The following ADAMTS16 variants were observed in gnomAD, a reference collection of about 807,000 sequenced individuals.
ADAMTS16 encodes ADAM metallopeptidase with thrombospondin type 1 motif 16.
A neutral mutation model predicts 145.8 loss-of-function variants in ADAMTS16; 94 were observed. The ratio of observed to expected loss-of-function variants is 0.64; its 90% CI spans 0.55 to 0.77. The LOEUF is 0.77. Ranked by LOEUF, ADAMTS16 falls within the 30% of genes least tolerant of loss-of-function variation. The probability of loss-of-function intolerance (pLI) is 0.00; values close to 1 mark genes in which losing one functional copy is unlikely to be tolerated. For synonymous variants in ADAMTS16, 659 were observed against 604.3 expected (o/e 1.09, Z -1.33); for missense variants, 1,585 against 1,591.5 (o/e 1.00, Z 0.07).
intron 10 of ADAMTS16, among the ~76,000 whole-genome samples, chr5:5,209,772 A>G (rs766509492): frequency 1.3e-5 from 2 of 152,188 alleles, no homozygotes; most frequent in African/African-American, 2.4e-5. Context: ...TTGCTCATGT[A>G]ACACAGAGAC....
At chr5:5,225,095 A>C (rs1217784397) in intron 11 of ADAMTS16, among the ~76,000 whole-genome samples, 4 of 152,178 alleles carry the variant, frequency 2.6e-5, no homozygotes, top group Admixed American at 2.6e-4. Context: ...CCATGGTCCA[A>C]AGCAATAAAG....
At chr5:5,236,322 G>A (rs1360995206) in intron 13 of ADAMTS16, among the ~76,000 whole-genome samples, 1 of 149,810 alleles carries the variant, frequency 6.7e-6, no homozygotes, top group East Asian at 1.9e-4. Context: ...ACCAAGAAGA[G>A]AACAAAAGGG....
At chr5:5,191,662 C>T (rs761880567) in intron 7 of ADAMTS16, 23 bp from the exon 8 acceptor site, 2 of 1,577,824 alleles carry the variant, frequency 1.3e-6, no homozygotes, top group South Asian at 1.1e-5. Flanking sequence ...GCTATGTGTT[C>T]TTTTGATCTT....
At chr5:5,216,440 G>A (rs990652604) in intron 10 of ADAMTS16, among the ~76,000 whole-genome samples, 1 of 151,716 alleles carries the variant, frequency 6.6e-6, no homozygotes, top group Admixed American at 6.6e-5. Context: ...TTTGTCAGAC[G>A]TATAGATTGT....
chr5:5,219,926 T>C (rs1007119915), intron 10 of ADAMTS16, among the ~76,000 whole-genome samples: 3 of 152,196 alleles, frequency 2.0e-5, no homozygotes, highest in African/African-American at 7.2e-5. Context: ...CTGAAGTTAC[T>C]CTGAATGGTA....
At position 5,237,059 on chromosome 5, in the gene ADAMTS16, C is replaced by T. The variant is rs1295177526; in HGVS notation, c.2114C>T (p.Ser705Leu). The stretch of plus-strand genomic sequence containing the variant: ...AAAGTCAAAGATGGGACTCCATGCT[C>T]GGAGGATAGCCGTAATGTTTGTATA... ...SNKVKDGTPC[S>L]EDSRNVCIDG... The change falls in exon 14 of 23, where the codon TCG becomes TTG. Residue 705 changes from serine to leucine, a missense_variant. Coordinates refer to ENST00000274181, the MANE Select transcript of ADAMTS16 (RefSeq NM_139056.4). The T allele has an allele frequency of 1.2e-5, 20 of 1,613,882 alleles. No homozygotes were observed. Among genetic ancestry groups the T allele is most frequent in the East Asian group, 4.5e-5 (2 of 44,878 alleles).
chr5:5,291,321 G>T (rs1739307290), intron 18 of ADAMTS16, among the ~76,000 whole-genome samples: 1 of 152,118 alleles, frequency 6.6e-6, no homozygotes, highest in Non-Finnish European at 1.5e-5. Flanking sequence ...CAGGCTGAGG[G>T]ACTGAATGTC....
intron 17 of ADAMTS16, among the ~76,000 whole-genome samples, chr5:5,250,244 G>T (rs1737580104): frequency 6.6e-6 from 1 of 152,134 alleles, no homozygotes; most frequent in South Asian, 2.1e-4. Flanking sequence ...CCTGCCTCCT[G>T]TTCATATCAA....
At chr5:5,252,756 G>T (rs1737666638) in intron 17 of ADAMTS16, among the ~76,000 whole-genome samples, 1 of 152,104 alleles carries the variant, frequency 6.6e-6, no homozygotes, top group Admixed American at 6.5e-5. Context: ...ATCAGCCTAG[G>T]TCTCTGCGTG....
chr5:5,175,736 G>A (rs755343773), intron 3 of ADAMTS16, among the ~76,000 whole-genome samples: 24 of 152,266 alleles, frequency 1.6e-4, no homozygotes, highest in South Asian at 6.2e-4. Context: ...TAAATGTTCC[G>A]TCTGTGGGTG....
intron 3 of ADAMTS16, among the ~76,000 whole-genome samples, chr5:5,179,911 G>C (rs1735294281): frequency 6.6e-6 from 1 of 152,084 alleles, no homozygotes; most frequent in Admixed American, 6.6e-5. Context: ...CCCAATATTT[G>C]ATAAACCTAC....
At chr5:5,145,265 T>G (rs1301126735) in intron 2 of ADAMTS16, among the ~76,000 whole-genome samples, 11 of 152,266 alleles carry the variant, frequency 7.2e-5, no homozygotes, top group Non-Finnish European at 1.5e-4. Context: ...ACAGTGAAAT[T>G]AATTATATTA....
chr5:5,148,436 A>G (rs1482731472), intron 3 of ADAMTS16, among the ~76,000 whole-genome samples: 3 of 152,244 alleles, frequency 2.0e-5, no homozygotes, highest in Non-Finnish European at 2.9e-5. Context: ...GGATAAGAAT[A>G]TTACTTTCAA....
chr5:5,267,526 C>T (rs1486193850), intron 18 of ADAMTS16, among the ~76,000 whole-genome samples: 6 of 152,160 alleles, frequency 3.9e-5, no homozygotes, highest in Non-Finnish European at 7.3e-5. Flanking sequence ...TCTCCTCCGA[C>T]CGTCCCAGAC....
intron 20 of ADAMTS16, among the ~76,000 whole-genome samples, chr5:5,306,264 A>G (rs1005460954): frequency 3.9e-5 from 6 of 152,098 alleles, no homozygotes; most frequent in Non-Finnish European, 8.8e-5. Flanking sequence ...TACTCCCTTC[A>G]TGGTTTCTGA....
intron 17 of ADAMTS16, among the ~76,000 whole-genome samples, chr5:5,257,919 A>C (rs2126420789): frequency 6.6e-6 from 1 of 152,292 alleles, no homozygotes; most frequent in Non-Finnish European, 1.5e-5. Context: ...CAGGTTTGCT[A>C]ATCTGCTAAA....
At chr5:5,259,851 A>C (rs1314959320) in intron 17 of ADAMTS16, among the ~76,000 whole-genome samples, 2 of 152,056 alleles carry the variant, frequency 1.3e-5, no homozygotes, top group Non-Finnish European at 2.9e-5. Flanking sequence ...TGGAATCTTG[A>C]GTTTTTATTT....
intron 18 of ADAMTS16, among the ~76,000 whole-genome samples, chr5:5,288,690 T>C (rs1322276723): frequency 1.3e-5 from 2 of 152,214 alleles, no homozygotes; most frequent in Non-Finnish European, 2.9e-5. Flanking sequence ...TTACTAAATG[T>C]ATACATTTTT....
At position 5,222,832 on chromosome 5, in the gene ADAMTS16, G is replaced by A; in HGVS notation, c.1649G>A (p.Cys550Tyr). 1 of 1,614,142 alleles carries A rather than the reference G, an allele frequency of 6.2e-7. No individual in the cohort carries two copies. Among genetic ancestry groups the A allele is most frequent in the South Asian group, 1.1e-5 (1 of 91,082 alleles). ...ALWCHRIGRK[C>Y]ETKFMPAAEG... The stretch of plus-strand genomic sequence containing the variant: ...TGGTGCCATCGTATTGGAAGGAAAT[G>A]TGAGACTAAATTTATGCCAGCAGCA... The change falls in exon 11 of 23, where the codon TGT (cysteine) becomes TAT (tyrosine). Residue 550 changes from cysteine (C) to tyrosine (Y), a missense_variant. This residue lies in a region of ADAMTS16 where 298 missense variants were observed against 367.6 expected (regional missense o/e 0.81). Transcript: ENST00000274181.
Sources: gnomAD v4.1 joint callset for allele counts (sites outside exome capture counted in the v4.1 genomes callset) on GRCh38, gnomAD v4.1.1 for gene constraint, gnomAD v4.1.1 regional missense constraint, MANE v1.5 for transcripts, NCBI Gene and HGNC (gene_info 2026-07-23, HGNC 2026-07-21) for gene names.